Variants in MATN2 observed in about 807,000 individuals in gnomAD.
MATN2 encodes the protein matrilin-2.
In MATN2, 69 loss-of-function variants were observed where a neutral mutation model predicts 103.2. That is an observed-to-expected ratio of 0.67 (90% CI 0.55 to 0.82). MATN2 has a LOEUF of 0.82. Ranked by LOEUF, MATN2 falls within the 40% of genes least tolerant of loss-of-function variation. The pLI is 0.00. For synonymous variants in MATN2, 429 were observed against 450.2 expected, an observed-to-expected ratio of 0.95 and a Z score of 0.60; for missense variants, 1,023 against 1,211.5, an observed-to-expected ratio of 0.84 and a Z score of 2.31.
At chr8:98,024,483 C>T (rs1228775237) in intron 13 of MATN2, among the ~76,000 whole-genome samples, 3 of 152,030 alleles carry the variant, frequency 2.0e-5, no homozygotes, top group Non-Finnish European at 2.9e-5. Flanking sequence ...CCAGCCTGGG[C>T]GAGAGAGCGA....
chr8:97,976,739 C>CTTTT (rs35592375), intron 5 of MATN2, among the ~76,000 whole-genome samples: 15 of 144,736 alleles, frequency 1.0e-4, no homozygotes, highest in East Asian at 2.0e-4. Flanking sequence ...TTTCCAAAAA[C>CTTTT]TTTTTTTTTT....
chr8:98,017,852 T>C (rs1813419138), intron 11 of MATN2, 142 bp from the exon 12 acceptor site: 4 of 842,658 alleles, frequency 4.7e-6, no homozygotes, highest in Non-Finnish European at 7.6e-6. Flanking sequence ...TGTTCTCAAT[T>C]GTAACTTCCT....
intron 2 of MATN2, among the ~76,000 whole-genome samples, chr8:97,919,434 G>A (rs1271759555): frequency 6.6e-6 from 1 of 152,134 alleles, no homozygotes; most frequent in Non-Finnish European, 1.5e-5. Flanking sequence ...GTTTCACTAT[G>A]TTGGCCAGGC....
intron 14 of MATN2, among the ~76,000 whole-genome samples, chr8:98,028,498 A>G (rs567168753): frequency 1.3e-5 from 2 of 152,260 alleles, no homozygotes; most frequent in South Asian, 4.1e-4. Flanking sequence ...CCCAAAAGGT[A>G]GGATAATTGG....
intron 2 of MATN2, among the ~76,000 whole-genome samples, chr8:97,890,501 C>T (rs1454278487): frequency 6.7e-6 from 1 of 149,676 alleles, no homozygotes; most frequent in Non-Finnish European, 1.5e-5. Context: ...GAGTGACAAT[C>T]ATGAAACCAG....
chr8:97,916,847 C>T (rs1203971410), intron 2 of MATN2, among the ~76,000 whole-genome samples: 1 of 152,188 alleles, frequency 6.6e-6, no homozygotes, highest in Non-Finnish European at 1.5e-5. Context: ...GTCTGGAAAC[C>T]ACAGTTGTTG....
chr8:97,887,999 CG>C (rs1818497267), intron 1 of MATN2, 75 bp from the exon 2 acceptor site: 2 of 1,387,196 alleles, frequency 1.4e-6, no homozygotes, highest in Non-Finnish European at 1.9e-6. Flanking sequence ...GGCGGGGCAG[CG>C]GGCCTGCAGC....
intron 2 of MATN2, among the ~76,000 whole-genome samples, chr8:97,922,362 G>A (rs536224703): frequency 6.6e-6 from 1 of 152,352 alleles, no homozygotes; most frequent in African/African-American, 2.4e-5. Context: ...GGAAGCTCAT[G>A]TGCTGACCCT....
chr8:98,032,431 G>A, intron 16 of MATN2, 114 bp downstream of exon 16: 1 of 764,240 alleles, frequency 1.3e-6, no homozygotes, highest in South Asian at 1.8e-5. Flanking sequence ...TGATAATGAA[G>A]GCCTTTTTTC....
In MATN2 at chr8:97,978,980, T is replaced by C; in HGVS notation, c.1053T>C (p.Ala351=). The change falls in exon 6 of 19, where the codon GCT becomes GCC. Residue 351 remains alanine (A), a synonymous_variant. Coordinates refer to ENST00000254898, the MANE Select transcript of MATN2 (RefSeq NM_002380.5). ...TTTGCCAGTGCCATGAAGGATTTGC[T>C]CTTAACCCAGATAAAAAAACGTGCA... is the stretch of plus-strand genomic sequence containing the variant. The part of the protein sequence containing the change: ...SYLCQCHEGF[A]LNPDKKTCTK... 1 of 1,612,392 alleles carries C rather than the reference T, an allele frequency of 6.2e-7. No individual in the cohort carries two copies.
At chr8:97,881,439 A>G (rs1280904099) in intron 1 of MATN2, among the ~76,000 whole-genome samples, 1 of 152,238 alleles carries the variant, frequency 6.6e-6, no homozygotes. Context: ...CCCGTAGTTA[A>G]GACAGAATAA....
intron 5 of MATN2, 35 bp from the exon 6 acceptor site, chr8:97,978,851 C>T (rs776639702): frequency 6.2e-7 from 1 of 1,611,742 alleles, no homozygotes; most frequent in East Asian, 2.2e-5. Flanking sequence ...CCTCTGTTTG[C>T]ATTTCTAATT....
At chr8:97,992,436 G>A (rs984165717) in intron 6 of MATN2, among the ~76,000 whole-genome samples, 2 of 152,030 alleles carry the variant, frequency 1.3e-5, no homozygotes, top group Non-Finnish European at 2.9e-5. Flanking sequence ...ACATTATGAA[G>A]CATTTATGGA....
chr8:98,016,783 T>G, intron 11 of MATN2, 121 bp downstream of exon 11: 1 of 1,213,738 alleles, frequency 8.2e-7, no homozygotes, highest in Non-Finnish European at 1.2e-6. Flanking sequence ...AAATGTAATG[T>G]AGTGTCCTGG....
At chr8:97,906,605 CCT>C (rs1208065881) in intron 2 of MATN2, among the ~76,000 whole-genome samples, 1 of 152,156 alleles carries the variant, frequency 6.6e-6, no homozygotes, top group Non-Finnish European at 1.5e-5. Flanking sequence ...ATAATTAATC[CCT>C]GTTTGCAAAT....
chr8:97,951,917 G>C (rs1810966993), intron 4 of MATN2: 1 of 152,188 alleles, frequency 6.6e-6, no homozygotes, highest in Admixed American at 6.5e-5. Flanking sequence ...AGGAGACTAG[G>C]CACAGCTGGA....
At chr8:97,998,790 C>T (rs746643327) in intron 7 of MATN2, among the ~76,000 whole-genome samples, 10 of 151,540 alleles carry the variant, frequency 6.6e-5, no homozygotes, top group Non-Finnish European at 1.0e-4. Flanking sequence ...TTTTGCAATA[C>T]GTAAATATAA....
At chr8:97,963,088 T>C (rs1207338629) in intron 5 of MATN2, among the ~76,000 whole-genome samples, 2 of 152,220 alleles carry the variant, frequency 1.3e-5, no homozygotes, top group East Asian at 3.8e-4. Context: ...TGAGCTGAGA[T>C]TGTGCCACTG....
chr8:97,927,547 G>C (rs1810027450), intron 2 of MATN2, among the ~76,000 whole-genome samples: 1 of 152,302 alleles, frequency 6.6e-6, no homozygotes. Flanking sequence ...TCAGGGACAA[G>C]CTATGAGACT....
Sources: allele counts gnomAD v4.1 joint callset (sites outside exome capture counted in the v4.1 genomes callset), GRCh38; gene constraint gnomAD v4.1.1; transcripts MANE v1.5; gene names NCBI Gene and HGNC (gene_info 2026-07-23, HGNC 2026-07-21).